Variants in SDCCAG8 observed in about 807,000 individuals in gnomAD.
SDCCAG8 encodes serologically defined colon cancer antigen 8.
SDCCAG8 carries 74 observed loss-of-function variants against 101.8 expected under a neutral mutation model. The observed-to-expected ratio is 0.73, with a 90% CI of 0.60 to 0.88. SDCCAG8 has a LOEUF of 0.88. Among genes scored for constraint, SDCCAG8 ranks in the 40% least tolerant of loss-of-function variants. The probability of loss-of-function intolerance (pLI) is 0.00; values close to 1 mark genes in which losing one functional copy is unlikely to be tolerated. For synonymous variants in SDCCAG8, 281 were observed against 292.9 expected (o/e 0.96, Z 0.41); for missense variants, 787 against 822.6 (o/e 0.96, Z 0.53).
chr1:243,488,168 A>G (rs1665457092), intron 16 of SDCCAG8: 1 of 152,302 alleles, frequency 6.6e-6, no homozygotes, highest in African/African-American at 2.4e-5. Context: ...GAGTCCCAGG[A>G]GAGCCCGGAC....
intron 16 of SDCCAG8, among the ~76,000 whole-genome samples, chr1:243,468,501 A>G (rs1660586980): frequency 6.6e-6 from 1 of 152,176 alleles, no homozygotes; most frequent in Non-Finnish European, 1.5e-5. Flanking sequence ...TACAGGCATG[A>G]GCCACCGTAC....
At chr1:243,284,364 C>G (rs2069375715) in intron 4 of SDCCAG8, among the ~76,000 whole-genome samples, 1 of 152,142 alleles carries the variant, frequency 6.6e-6, no homozygotes, top group Non-Finnish European at 1.5e-5. Context: ...TGAGTTCTTC[C>G]TAAATATAGT....
At chr1:243,290,541 T>A (rs2070146013) in intron 5 of SDCCAG8, among the ~76,000 whole-genome samples, 1 of 152,128 alleles carries the variant, frequency 6.6e-6, no homozygotes, top group Non-Finnish European at 1.5e-5. Context: ...GCAGACTCAT[T>A]CCATGGTGTG....
In SDCCAG8 at chr1:243,416,748, A is replaced by G. The variant is rs576111058; in HGVS notation, c.1744+919A>G. ...TTCACAGACAGTGTTAGTCAAAACAAGACAGTGTCAGTCATTATAATTCCA... is the reference window on the plus strand; with the variant it reads ...TTCACAGACAGTGTTAGTCAAAACAGGACAGTGTCAGTCATTATAATTCCA... On this transcript the variant is annotated intron_variant, in intron 14 of 17. Coordinates refer to ENST00000366541, the MANE Select transcript of SDCCAG8 (RefSeq NM_006642.5). The surrounding 1 kb of genome is among the most constrained non-coding windows in gnomAD (Gnocchi z 4.3). Among the ~76,000 whole-genome samples, 1 of 152,234 alleles carries G rather than the reference A, an allele frequency of 6.6e-6. No individual in the cohort carries two copies. The highest frequency in any genetic ancestry group is 1.5e-5 in the Non-Finnish European group (1 of 68,048).
At chr1:243,319,500 A>G (rs111916956) in intron 9 of SDCCAG8, among the ~76,000 whole-genome samples, 4,231 of 152,106 alleles carry the variant, frequency 0.028, 91 homozygotes, top group Non-Finnish European at 0.041. Flanking sequence ...CAGCCTCCCA[A>G]GTAGCTGGGA....
intron 10 of SDCCAG8, among the ~76,000 whole-genome samples, chr1:243,338,421 CT>C (rs201615104): frequency 3.6e-3 from 510 of 140,586 alleles, no homozygotes; most frequent in Non-Finnish European, 4.1e-3. Context: ...CCTTACTTTT[CT>C]TTTTTTTTTT....
intron 9 of SDCCAG8, among the ~76,000 whole-genome samples, chr1:243,327,635 G>A (rs2074282120): frequency 6.6e-6 from 1 of 151,900 alleles, no homozygotes; most frequent in South Asian, 2.1e-4. Context: ...GGTTATAGGG[G>A]TACTCAATCG....
chr1:243,379,015 A>G (rs2147906398), intron 13 of SDCCAG8, 152 bp downstream of exon 13: 1 of 933,252 alleles, frequency 1.1e-6, no homozygotes, highest in Non-Finnish European at 1.7e-6. Flanking sequence ...TGGTAAGCAA[A>G]ACACCCAGAC....
intron 8 of SDCCAG8, among the ~76,000 whole-genome samples, chr1:243,314,423 C>CA (rs1324589415): frequency 6.6e-6 from 1 of 152,138 alleles, no homozygotes; most frequent in Non-Finnish European, 1.5e-5. Context: ...GTTTCTAATT[C>CA]AAAATAGGTA....
At chr1:243,435,096 G>A (rs190101469) in intron 16 of SDCCAG8, among the ~76,000 whole-genome samples, 4 of 152,300 alleles carry the variant, frequency 2.6e-5, no homozygotes, top group South Asian at 4.1e-4. Flanking sequence ...CAAAGGACAC[G>A]TAGACAGCCT....
chr1:243,404,178 T>G lies in SDCCAG8; in HGVS notation c.1617-11524T>G, dbSNP rs1242639563. On this transcript the variant is annotated intron_variant, in intron 13 of 17. Coordinates refer to ENST00000366541, the MANE Select transcript of SDCCAG8 (RefSeq NM_006642.5). ...AGGGGTATTTTAGGATTTCAGTTGCTTATATTTATTTTCTCAGAGCACAAA... is the reference window on the plus strand; with the variant it reads ...AGGGGTATTTTAGGATTTCAGTTGCGTATATTTATTTTCTCAGAGCACAAA... Among the ~76,000 whole-genome samples, 2 of 152,194 alleles carry G rather than the reference T, an allele frequency of 1.3e-5. 1 individual carries two copies. Among genetic ancestry groups the G allele is most frequent in the South Asian group, 4.1e-4 (2 of 4,834 alleles).
chr1:243,270,943 A>G, intron 2 of SDCCAG8, 35 bp from the exon 3 acceptor site: 1 of 1,483,064 alleles, frequency 6.7e-7, no homozygotes, highest in Non-Finnish European at 9.4e-7. Context: ...TGGATCTCAA[A>G]TAAGGTTAAT....
intron 14 of SDCCAG8, among the ~76,000 whole-genome samples, chr1:243,417,762 G>A (rs890342339): frequency 6.6e-6 from 1 of 152,108 alleles, no homozygotes; most frequent in Non-Finnish European, 1.5e-5. Flanking sequence ...AATGTTTCTG[G>A]TGTATAATTA....
intron 16 of SDCCAG8, among the ~76,000 whole-genome samples, chr1:243,427,609 G>A (rs2081427318): frequency 6.6e-6 from 1 of 151,908 alleles, no homozygotes; most frequent in South Asian, 2.1e-4. Flanking sequence ...AACAGTTCTT[G>A]ATATAATTGA....
chr1:243,413,863 T>C (rs1464284050), intron 13 of SDCCAG8, among the ~76,000 whole-genome samples: 1 of 152,192 alleles, frequency 6.6e-6, no homozygotes, highest in Non-Finnish European at 1.5e-5. Context: ...AGAACCATTC[T>C]CTTCTAAGCA....
chr1:243,393,116 A>G (rs2078805564), intron 13 of SDCCAG8, among the ~76,000 whole-genome samples: 1 of 152,216 alleles, frequency 6.6e-6, no homozygotes, highest in South Asian at 2.1e-4. Context: ...AGGTGGTTGT[A>G]CAATCAAAAT....
At chr1:243,361,625 C>T (rs1340470885) in intron 12 of SDCCAG8, among the ~76,000 whole-genome samples, 1 of 152,194 alleles carries the variant, frequency 6.6e-6, no homozygotes, top group Non-Finnish European at 1.5e-5. Context: ...AGTGGAGCCT[C>T]CGTGGTTTGC....
At chr1:243,318,063 G>A (rs938401840) in intron 9 of SDCCAG8, 15 of 456,450 alleles carry the variant, frequency 3.3e-5, no homozygotes, top group Admixed American at 1.2e-4. Flanking sequence ...AAACGTAAAC[G>A]ATGGAATTGA....
chr1:243,467,246 C>T (rs1180370760), intron 16 of SDCCAG8, among the ~76,000 whole-genome samples: 1 of 152,172 alleles, frequency 6.6e-6, no homozygotes, highest in Non-Finnish European at 1.5e-5. Flanking sequence ...CTTTTTAAAT[C>T]CTGTTCCATG....
Sources: allele counts gnomAD v4.1 joint callset (sites outside exome capture counted in the v4.1 genomes callset), GRCh38; gene constraint gnomAD v4.1.1; non-coding constraint Gnocchi (gnomAD v3.1); transcripts MANE v1.5; gene names NCBI Gene and HGNC (gene_info 2026-07-23, HGNC 2026-07-21).